The following CLMN variants were observed in gnomAD, a reference collection of about 807,000 sequenced individuals.
CLMN encodes the protein calmin.
In CLMN, 57 loss-of-function variants were observed where a neutral mutation model predicts 92.7. That is an observed-to-expected ratio of 0.61 (90% CI 0.50 to 0.77). CLMN has a LOEUF of 0.77. CLMN is among the 30% of genes least tolerant of loss of function. CLMN has a pLI of 0.00. For synonymous variants in CLMN, 466 were observed against 470.6 expected (o/e 0.99, Z 0.13); for missense variants, 1,158 against 1,237.5 (o/e 0.94, Z 0.96).
At chr14:95,316,671 T>C (rs2140807251) in intron 1 of CLMN, among the ~76,000 whole-genome samples, 1 of 152,362 alleles carries the variant, frequency 6.6e-6, no homozygotes, top group East Asian at 1.9e-4. Context: ...AAGATACTTC[T>C]AAGTCAACTT....
intron 9 of CLMN, among the ~76,000 whole-genome samples, chr14:95,200,441 G>C (rs1338286579): frequency 6.6e-6 from 1 of 152,184 alleles, no homozygotes; most frequent in African/African-American, 2.4e-5. Context: ...TCATGGAGGG[G>C]CTGGAGAGGC....
At chr14:95,250,082 C>T (rs532293932) in intron 1 of CLMN, among the ~76,000 whole-genome samples, 3 of 152,342 alleles carry the variant, frequency 2.0e-5, no homozygotes, top group Admixed American at 1.3e-4. Context: ...TACACAACCG[C>T]CACTGCTAAG....
At chr14:95,278,644 A>G (rs560373102) in intron 1 of CLMN, among the ~76,000 whole-genome samples, 96 of 152,302 alleles carry the variant, frequency 6.3e-4, no homozygotes, top group South Asian at 5.2e-3. Context: ...TTAGGGTATC[A>G]GAAATTAGTA....
At chr14:95,265,365 T>C (rs906867882) in intron 1 of CLMN, among the ~76,000 whole-genome samples, 14 of 152,234 alleles carry the variant, frequency 9.2e-5, no homozygotes, top group African/African-American at 3.4e-4. Flanking sequence ...CAAGAAGGAA[T>C]TCTGCCAGCA....
At chr14:95,244,302 T>C (rs755886341) in intron 1 of CLMN, among the ~76,000 whole-genome samples, 12 of 152,244 alleles carry the variant, frequency 7.9e-5, no homozygotes, top group Middle Eastern at 3.2e-3. Context: ...AGGTGCTCAG[T>C]ACCTATTCAG....
chr14:95,199,242 C>T (rs1484109857), intron 9 of CLMN: 1 of 152,242 alleles, frequency 6.6e-6, no homozygotes, highest in South Asian at 2.1e-4. Context: ...TAGGACGAAC[C>T]TGATCCCTTA....
Position 95,230,068 on chromosome 14 carries a change from T to A in CLMN, c.144+4A>T. 6.2e-7 allele frequency: 1 copy of A among 1,614,048 alleles called. No homozygotes were observed. Among genetic ancestry groups the A allele is most frequent in the African/African-American group, 1.3e-5 (1 of 75,064 alleles). ...ACTTAGCAAACACCCAAGTGCGCCATTACCTTTTCTAGATGTAGATTTATC... is the reference window on the plus strand; with the variant it reads ...ACTTAGCAAACACCCAAGTGCGCCAATACCTTTTCTAGATGTAGATTTATC... On this transcript the variant is annotated splice_donor_region_variant and intron_variant, in intron 2 of 12. Coordinates refer to ENST00000298912, the MANE Select transcript of CLMN (RefSeq NM_024734.4).
chr14:95,245,194 AATATATATATATATTAT>A lies in CLMN; in HGVS notation c.83-15078_83-15062del, dbSNP rs1566890788. Among the ~76,000 whole-genome samples the A allele has an allele frequency of 5.1e-4, 18 of 35,494 alleles. 1 individual carries two copies. The South Asian group carries it at 7.2e-3, about 14-fold the overall frequency. 23.3% of individuals were successfully genotyped at this position (35,494 alleles called of 152,430 possible). ...TTATATTATATATATATATATATATAATATATATATATATTATATATATATATATATTATATATATAT... is the reference window on the plus strand; with the variant it reads ...TTATATTATATATATATATATATATAATATATATATATATTATATATATAT... On this transcript the variant is annotated intron_variant, in intron 1 of 12. Transcript: ENST00000298912.
intron 1 of CLMN, among the ~76,000 whole-genome samples, chr14:95,277,482 A>G (rs560150733): frequency 5.1e-4 from 77 of 152,346 alleles, no homozygotes; most frequent in African/African-American, 1.8e-3. Flanking sequence ...AATTCATGTC[A>G]TAGTTAGCTC....
At chr14:95,223,951 C>A in intron 2 of CLMN, 96 bp from the exon 3 acceptor site, 1 of 859,000 alleles carries the variant, frequency 1.2e-6, no homozygotes, top group South Asian at 1.6e-5. Context: ...AGAAAACTTC[C>A]AAACATCCAG....
At chr14:95,276,319 T>C (rs368906252) in intron 1 of CLMN, among the ~76,000 whole-genome samples, 1 of 152,196 alleles carries the variant, frequency 6.6e-6, no homozygotes, top group East Asian at 1.9e-4. Flanking sequence ...TAAGGAAAAG[T>C]GGATTTCGTG....
intron 1 of CLMN, among the ~76,000 whole-genome samples, chr14:95,278,447 A>G (rs757988669): frequency 5.9e-5 from 9 of 152,044 alleles, no homozygotes; most frequent in Non-Finnish European, 1.0e-4. Flanking sequence ...TGCCCACATG[A>G]GAGGACATAA....
In CLMN at chr14:95,194,236, G is replaced by C. The variant is rs1896636675; in HGVS notation, c.2769+300C>G. 2 of 1,391,204 alleles carry C rather than the reference G, an allele frequency of 1.4e-6. No homozygotes were observed. The highest frequency in any genetic ancestry group is 1.9e-6 in the Non-Finnish European group (2 of 1,076,872). The allele number at this position is 1,391,204 out of a possible 1,614,324, so 86.2% of individuals were successfully genotyped here. On this transcript the variant is annotated intron_variant, in intron 11 of 12. Coordinates refer to ENST00000298912, the MANE Select transcript of CLMN (RefSeq NM_024734.4). This position sits in a 1 kb window ranked among gnomAD's most constrained non-coding sequence, Gnocchi z 4.0. ...GGACCTTGACTCATGTTGCACCTCT[G>C]TCTCTGAACGTGATCCTTCTGGGTG... is the stretch of plus-strand genomic sequence containing the variant.
At chr14:95,228,939 C>A (rs142213914) in intron 2 of CLMN, among the ~76,000 whole-genome samples, 135 of 152,286 alleles carry the variant, frequency 8.9e-4, no homozygotes, top group Middle Eastern at 3.4e-3. Flanking sequence ...CCTCCCAAAG[C>A]ACTGGGGTTA....
At chr14:95,197,857 T>C (rs774516597) in intron 9 of CLMN, among the ~76,000 whole-genome samples, 1 of 152,082 alleles carries the variant, frequency 6.6e-6, no homozygotes, top group African/African-American at 2.4e-5. Flanking sequence ...CAAAGCTCCA[T>C]GCAGGAATGA....
At chr14:95,293,950 T>C (rs1046974446) in intron 1 of CLMN, among the ~76,000 whole-genome samples, 33 of 152,300 alleles carry the variant, frequency 2.2e-4, no homozygotes, top group African/African-American at 7.5e-4. Context: ...CTTAGCGTTT[T>C]AGCTAAAACT....
At chr14:95,319,514 C>T (rs1901948231) in intron 1 of CLMN, among the ~76,000 whole-genome samples, 197 bp downstream of exon 1, 1 of 152,188 alleles carries the variant, frequency 6.6e-6, no homozygotes, top group Admixed American at 6.5e-5. Flanking sequence ...CCCTGGGCAA[C>T]TGTAAACCTG....
rs1293382591 is a variant in CLMN, at chr14:95,187,468, G to T, written c.*4096C>A. 1 of 152,214 alleles carries T rather than the reference G, an allele frequency of 6.6e-6. No homozygotes were observed. The highest frequency in any genetic ancestry group is 1.5e-5 in the Non-Finnish European group (1 of 68,058). The allele number at this position is 152,214 out of a possible 1,614,324, so 9.4% of individuals were successfully genotyped here. On this transcript the variant is annotated 3_prime_UTR_variant, in exon 13 of 13. Transcript: ENST00000298912. ...GAGTGGTCAGCAGAGATGCCCTGTGGCCTCCAGGAGAGGCTTGGGGATTGG... is the reference window on the plus strand; with the variant it reads ...GAGTGGTCAGCAGAGATGCCCTGTGTCCTCCAGGAGAGGCTTGGGGATTGG...
At position 95,256,327 on chromosome 14, in the gene CLMN, G is replaced by C. The variant is rs192180719; in HGVS notation, c.83-26194C>G. 6.6e-6 allele frequency among the ~76,000 whole-genome samples: 1 copy of C among 152,350 alleles called. No homozygotes were observed. The highest frequency in any genetic ancestry group is 6.5e-5 in the Admixed American group (1 of 15,304). ...CACAGACTGATCAGGCTTCATGAAT[G>C]TTTAATGGGATGGAACCCTCCTTGT... On this transcript the variant is annotated intron_variant, in intron 1 of 12. Transcript: ENST00000298912. This position sits in a 1 kb window ranked among gnomAD's most constrained non-coding sequence, Gnocchi z 4.9.
Sources: allele counts gnomAD v4.1 joint callset (sites outside exome capture counted in the v4.1 genomes callset), GRCh38; gene constraint gnomAD v4.1.1; non-coding constraint Gnocchi (gnomAD v3.1); transcripts MANE v1.5; gene names NCBI Gene and HGNC (gene_info 2026-07-23, HGNC 2026-07-21).